Variants in SORCS1 observed in about 807,000 individuals in gnomAD.
SORCS1 encodes the protein VPS10 domain-containing receptor SorCS1.
In SORCS1, 60 loss-of-function variants were observed where a neutral mutation model predicts 146.1. The observed-to-expected ratio is 0.41, with a 90% confidence interval of 0.33 to 0.51. The LOEUF (loss-of-function observed/expected upper bound fraction) is 0.51. SORCS1 is among the 20% of genes least tolerant of loss of function. SORCS1 has a pLI of 0.21. For missense variants in SORCS1, 1,352 were observed against 1,487.6 expected, an observed-to-expected ratio of 0.91 and a Z score of 1.50; for synonymous variants, 637 against 584.0, an observed-to-expected ratio of 1.09 and a Z score of -1.31.
intron 5 of SORCS1, among the ~76,000 whole-genome samples, chr10:106,760,203 G>T (rs569520276): frequency 6.6e-6 from 1 of 152,068 alleles, no homozygotes; most frequent in Non-Finnish European, 1.5e-5. Context: ...CCAGCACTTT[G>T]GGAGGCCGAG....
chr10:107,113,940 T>C (rs1198545173), intron 1 of SORCS1, among the ~76,000 whole-genome samples: 1 of 151,568 alleles, frequency 6.6e-6, no homozygotes, highest in Non-Finnish European at 1.5e-5. Context: ...CCCAAATAAA[T>C]AAAATTAAAA....
rs551281674 is a variant in SORCS1 at position 106,586,269 on chromosome 10, A to C, written c.3266-6795T>G. Among the ~76,000 whole-genome samples the C allele has an allele frequency of 1.4e-3, 217 of 152,378 alleles. 1 individual carries two copies. The highest frequency in any genetic ancestry group is 2.4e-3 in the Non-Finnish European group (166 of 68,044). ...TAAGAATGAAAGGGGGCGCTATTAAAGCTTACGCTGATATAGCATAGATAA... is the reference window on the plus strand; with the variant it reads ...TAAGAATGAAAGGGGGCGCTATTAACGCTTACGCTGATATAGCATAGATAA... On this transcript the variant is annotated intron_variant, in intron 24 of 25. Transcript: ENST00000263054.
chr10:106,902,662 G>A (rs1422958636), intron 2 of SORCS1, among the ~76,000 whole-genome samples: 1 of 152,218 alleles, frequency 6.6e-6, no homozygotes, highest in Non-Finnish European at 1.5e-5. Flanking sequence ...TTATTTACAT[G>A]TATAAAATAT....
rs188530234 is a variant in SORCS1, at chr10:107,031,261, C to T, written c.559-74681G>A. On this transcript the variant is annotated intron_variant, in intron 1 of 25. Transcript: ENST00000263054. ...TTCTTCTTTCATTTATAGCTAAGCT[C>T]CTTCATTTGGTTTCATCAAAAAGTA... 6.6e-3 allele frequency among the ~76,000 whole-genome samples: 998 copies of T among 152,286 alleles called. 6 individuals carry two copies. Among genetic ancestry groups the T allele is most frequent in the Non-Finnish European group, 7.7e-3 (527 of 68,018 alleles).
At chr10:107,101,382 T>C (rs1420465109) in intron 1 of SORCS1, among the ~76,000 whole-genome samples, 1 of 152,190 alleles carries the variant, frequency 6.6e-6, no homozygotes, top group African/African-American at 2.4e-5. Context: ...GGTCTCACTA[T>C]GTGACAATCA....
chr10:106,835,491 T>G (rs553373931), intron 2 of SORCS1, among the ~76,000 whole-genome samples: 4 of 152,298 alleles, frequency 2.6e-5, no homozygotes, highest in African/African-American at 9.6e-5. Flanking sequence ...TTGAGTTAGG[T>G]TGCTTAGAAG....
intron 10 of SORCS1, among the ~76,000 whole-genome samples, chr10:106,680,404 C>A (rs1461610405): frequency 2.0e-5 from 3 of 152,132 alleles, no homozygotes; most frequent in African/African-American, 7.2e-5. Context: ...CCATTTGAGA[C>A]CTTGGTCTCA....
At chr10:106,978,308 A>C (rs1246312247) in intron 1 of SORCS1, among the ~76,000 whole-genome samples, 1 of 152,132 alleles carries the variant, frequency 6.6e-6, no homozygotes, top group Non-Finnish European at 1.5e-5. Context: ...TATGACTGAA[A>C]AGATAGAGGA....
chr10:106,787,170 A>T (rs962042602), intron 3 of SORCS1, among the ~76,000 whole-genome samples: 12 of 152,216 alleles, frequency 7.9e-5, no homozygotes, highest in Non-Finnish European at 1.2e-4. Context: ...ATCTGATATC[A>T]TGAAATATGG....
intron 1 of SORCS1, among the ~76,000 whole-genome samples, chr10:107,068,730 C>T (rs998291659): frequency 5.9e-5 from 9 of 151,984 alleles, no homozygotes; most frequent in Admixed American, 3.9e-4. Flanking sequence ...ATTAGCTGGG[C>T]GTGGTGGTGG....
At chr10:107,131,655 G>A (rs1966875396) in intron 1 of SORCS1, among the ~76,000 whole-genome samples, 1 of 152,136 alleles carries the variant, frequency 6.6e-6, no homozygotes, top group Admixed American at 6.5e-5. Flanking sequence ...GGAGGTAGAG[G>A]TTACCATGAG....
intron 1 of SORCS1, among the ~76,000 whole-genome samples, chr10:107,004,175 C>CAAAAAA (rs1190654041): frequency 3.4e-4 from 17 of 49,540 alleles, no homozygotes; most frequent in African/African-American, 4.2e-4. Context: ...GATCCCATCT[C>CAAAAAA]AAAAAAAAAA....
chr10:107,119,663 T>C (rs1565069655), intron 1 of SORCS1, among the ~76,000 whole-genome samples: 1 of 152,218 alleles, frequency 6.6e-6, no homozygotes, highest in Non-Finnish European at 1.5e-5. Flanking sequence ...TCAAATATTT[T>C]ATTTTACAAT....
chr10:106,740,417 A>C (rs1384173581), intron 5 of SORCS1, among the ~76,000 whole-genome samples: 4 of 152,192 alleles, frequency 2.6e-5, no homozygotes, highest in Non-Finnish European at 5.9e-5. Context: ...GAATATGTTT[A>C]CTGAGTAACT....
intron 18 of SORCS1, among the ~76,000 whole-genome samples, chr10:106,641,006 T>C (rs1849038235): frequency 6.6e-6 from 1 of 152,234 alleles, no homozygotes; most frequent in Non-Finnish European, 1.5e-5. Flanking sequence ...TGTGTGTTCT[T>C]CTTGCATCTG....
intron 3 of SORCS1, among the ~76,000 whole-genome samples, chr10:106,827,824 C>T (rs1207207195): frequency 6.6e-6 from 1 of 152,040 alleles, no homozygotes; most frequent in African/African-American, 2.4e-5. Context: ...CCATCAGCCA[C>T]CCACAGCTAT....
intron 1 of SORCS1, among the ~76,000 whole-genome samples, chr10:107,059,361 T>C (rs1410865556): frequency 6.6e-6 from 1 of 152,246 alleles, no homozygotes; most frequent in Non-Finnish European, 1.5e-5. Context: ...TATAGTTTCC[T>C]ACACAATCTT....
At chr10:107,171,323 A>ATAAACTACCACCTCTTT in the SORCS1 span, among the ~76,000 whole-genome samples, 2 of 152,290 alleles carry the variant, frequency 1.3e-5, no homozygotes, top group South Asian at 4.1e-4. Flanking sequence ...AAAGGATGGG[A>ATAAACTACCACCTCTTT]TAAACTACCA....
chr10:106,706,689 T>A, intron 7 of SORCS1, 55 bp from the exon 8 acceptor site: 1 of 1,528,340 alleles, frequency 6.5e-7, no homozygotes, highest in Non-Finnish European at 9.1e-7. Context: ...CAGGCACAGG[T>A]CACAGAACAG....
Sources: gnomAD v4.1 joint callset for allele counts (sites outside exome capture counted in the v4.1 genomes callset) on GRCh38, gnomAD v4.1.1 for gene constraint, MANE v1.5 for transcripts, NCBI Gene and HGNC (gene_info 2026-07-23, HGNC 2026-07-21) for gene names.